DOCK3: variants seen among roughly 807,000 people sequenced by gnomAD.
DOCK3 encodes dedicator of cytokinesis 3.
Under a neutral mutation model 265.6 loss-of-function variants are expected in DOCK3, and 60 were observed. The ratio of observed to expected loss-of-function variants is 0.23; its 90% CI spans 0.18 to 0.28. The LOEUF (loss-of-function observed/expected upper bound fraction) is 0.28, where lower values mean the gene tolerates loss of function less well. Ranked by LOEUF, DOCK3 falls within the 10% of genes least tolerant of loss-of-function variation. DOCK3 has a pLI of 1.00. For missense variants in DOCK3, 1,981 were observed against 2,594.3 expected (o/e 0.76, Z 5.14); for synonymous variants, 881 against 938.0 (o/e 0.94, Z 1.11).
intron 1 of DOCK3, among the ~76,000 whole-genome samples, chr3:50,764,452 A>T (rs1204001829): frequency 6.6e-6 from 1 of 152,208 alleles, no homozygotes; most frequent in Non-Finnish European, 1.5e-5. Context: ...GAGTATGTTT[A>T]TAGGTTATTT....
At chr3:50,804,554 C>T (rs138714183) in intron 2 of DOCK3, among the ~76,000 whole-genome samples, 72 of 152,270 alleles carry the variant, frequency 4.7e-4, no homozygotes, top group African/African-American at 9.9e-4. Flanking sequence ...CCGGCTAACA[C>T]GGCGAAACCC....
intron 23 of DOCK3, among the ~76,000 whole-genome samples, chr3:51,267,994 G>T (rs989665651): frequency 3.9e-5 from 6 of 152,054 alleles, no homozygotes; most frequent in African/African-American, 1.4e-4. Flanking sequence ...CCTGTTGGGG[G>T]TCGGGGGACT....
chr3:50,904,570 A>G lies in DOCK3; in HGVS notation c.218+14489A>G, dbSNP rs144238215. 8.9e-3 allele frequency among the ~76,000 whole-genome samples: 1,362 copies of G among 152,334 alleles called. 7 individuals are homozygous for G. The highest frequency in any genetic ancestry group is 0.027 in the Middle Eastern group (8 of 294). ...GCTGCATAAATATCTTCTTTTGAGAAGTGTCTGTTCATATCCTTTGCCCAC... is the reference window on the plus strand; with the variant it reads ...GCTGCATAAATATCTTCTTTTGAGAGGTGTCTGTTCATATCCTTTGCCCAC... On this transcript the variant is annotated intron_variant, in intron 4 of 52. Coordinates refer to ENST00000266037, the MANE Select transcript of DOCK3 (RefSeq NM_004947.5).
At chr3:50,762,226 G>A (rs1449696632) in intron 1 of DOCK3, among the ~76,000 whole-genome samples, 2 of 151,586 alleles carry the variant, frequency 1.3e-5, no homozygotes, top group African/African-American at 4.9e-5. Context: ...TGCATGTTGT[G>A]CATAAGTACC....
At chr3:51,038,882 T>G (rs2080371875) in intron 5 of DOCK3, among the ~76,000 whole-genome samples, 1 of 152,080 alleles carries the variant, frequency 6.6e-6, no homozygotes, top group Non-Finnish European at 1.5e-5. Context: ...GTTTTTTTTT[T>G]GGATATGCAG....
intron 32 of DOCK3, among the ~76,000 whole-genome samples, chr3:51,319,700 A>G (rs2083571435): frequency 6.6e-6 from 1 of 152,078 alleles, no homozygotes; most frequent in Non-Finnish European, 1.5e-5. Flanking sequence ...CCCCGTCTCT[A>G]CTAAAACTAC....
At chr3:50,901,625 T>TACAC (rs1489397901) in intron 4 of DOCK3, 1 of 453,662 alleles carries the variant, frequency 2.2e-6, no homozygotes, top group African/African-American at 2.0e-5. Flanking sequence ...AATCTCCTGG[T>TACAC]GTGTGGATTG....
chr3:50,863,862 T>G (rs1023289676), intron 3 of DOCK3, among the ~76,000 whole-genome samples: 2 of 152,272 alleles, frequency 1.3e-5, no homozygotes, highest in African/African-American at 2.4e-5. Flanking sequence ...CTTCATGTGT[T>G]GATGAACACT....
intron 1 of DOCK3, among the ~76,000 whole-genome samples, chr3:50,774,805 A>G (rs1233266654): frequency 6.6e-6 from 1 of 151,964 alleles, no homozygotes; most frequent in Non-Finnish European, 1.5e-5. Flanking sequence ...AGTGTGTGTG[A>G]TGTTTCCTAT....
At chr3:51,036,134 C>T (rs966908569) in intron 5 of DOCK3, among the ~76,000 whole-genome samples, 10 of 152,168 alleles carry the variant, frequency 6.6e-5, no homozygotes, top group Admixed American at 6.5e-4. Context: ...ATACTCCCTT[C>T]CAAAATCTGC....
At chr3:50,731,377 T>G (rs1035400424) in intron 1 of DOCK3, among the ~76,000 whole-genome samples, 1 of 152,158 alleles carries the variant, frequency 6.6e-6, no homozygotes, top group Non-Finnish European at 1.5e-5. Context: ...TAATGTAAAC[T>G]ATGGACTTTG....
chr3:51,077,938 A>C (rs2082107400), intron 7 of DOCK3, among the ~76,000 whole-genome samples: 1 of 152,212 alleles, frequency 6.6e-6, no homozygotes, highest in Admixed American at 6.5e-5. Flanking sequence ...GCACTTCCAG[A>C]CAACCAAGCA....
intron 1 of DOCK3, among the ~76,000 whole-genome samples, chr3:50,695,793 A>G (rs1398785107): frequency 2.0e-5 from 3 of 152,198 alleles, no homozygotes; most frequent in African/African-American, 7.2e-5. Flanking sequence ...TTCTGACACC[A>G]TCTGTTAAAA....
rs567149794 is a variant in DOCK3, at chr3:50,777,653, G to T, written c.38-1022G>T. ...TTTCCTTGGTTAAGTATATTCCTAG[G>T]TATTTTATTTTTATTTTTTGCAGCT... On this transcript the variant is annotated intron_variant, in intron 1 of 52. Transcript: ENST00000266037. 7.9e-5 allele frequency among the ~76,000 whole-genome samples: 12 copies of T among 152,040 alleles called. No individual in the cohort carries two copies. The South Asian group carries it at 1.5e-3, about 18-fold the overall frequency.
intron 2 of DOCK3, chr3:50,787,801 G>C (rs2042261641): frequency 9.0e-7 from 1 of 1,113,112 alleles, no homozygotes; most frequent in South Asian, 1.2e-5. Flanking sequence ...GCTGTTATCT[G>C]TGGCCCCTTC....
intron 22 of DOCK3, among the ~76,000 whole-genome samples, chr3:51,257,157 C>G (rs1349137328): frequency 6.6e-6 from 1 of 152,216 alleles, no homozygotes; most frequent in South Asian, 2.1e-4. Context: ...GTTCTCACCA[C>G]TTCACACTTG....
chr3:50,814,050 A>ATAATAC (rs1350501724), intron 2 of DOCK3, among the ~76,000 whole-genome samples: 1 of 152,112 alleles, frequency 6.6e-6, no homozygotes, highest in Non-Finnish European at 1.5e-5. Flanking sequence ...TGGCCTTATT[A>ATAATAC]TAATACTAAT....
chr3:50,883,799 A>G (rs2048184515), intron 3 of DOCK3, among the ~76,000 whole-genome samples: 1 of 152,186 alleles, frequency 6.6e-6, no homozygotes, highest in South Asian at 2.1e-4. Flanking sequence ...GTACATGCAT[A>G]ATGTTTTACA....
At chr3:51,338,558 C>T (rs1202326203) in intron 36 of DOCK3, 139 bp downstream of exon 36, 17 of 909,110 alleles carry the variant, frequency 1.9e-5, no homozygotes, top group Non-Finnish European at 2.9e-5. Flanking sequence ...TTACTGGTAT[C>T]TTAGAGGCCT....
Sources: gnomAD v4.1 joint callset for allele counts (sites outside exome capture counted in the v4.1 genomes callset) on GRCh38, gnomAD v4.1.1 for gene constraint, MANE v1.5 for transcripts, NCBI Gene and HGNC (gene_info 2026-07-23, HGNC 2026-07-21) for gene names.